The following ZNF277 variants were observed in gnomAD, a reference collection of about 807,000 sequenced individuals.
ZNF277 encodes the protein zinc finger protein 277, also known as nuclear receptor-interacting factor 4.
ZNF277 carries 55 observed loss-of-function variants against 60.7 expected under a neutral mutation model. The observed-to-expected ratio is 0.91, with a 90% confidence interval of 0.73 to 1.13. ZNF277 has a LOEUF of 1.13. ZNF277 is among the 50% of genes most tolerant of loss of function. The probability of loss-of-function intolerance (pLI) is 0.00; values close to 1 mark genes in which losing one functional copy is unlikely to be tolerated. For missense variants in ZNF277, 510 were observed against 523.0 expected (o/e 0.98, Z 0.24); for synonymous variants, 178 against 179.3 (o/e 0.99, Z 0.06).
At chr7:112,282,803 G>T (rs1222320974) in intron 1 of ZNF277, among the ~76,000 whole-genome samples, 1 of 152,180 alleles carries the variant, frequency 6.6e-6, no homozygotes, top group Non-Finnish European at 1.5e-5. Flanking sequence ...AGCAAGACTG[G>T]TTGGATTCAA....
chr7:112,339,075 G>A (rs1487533059), intron 9 of ZNF277, among the ~76,000 whole-genome samples: 1 of 152,220 alleles, frequency 6.6e-6, no homozygotes, highest in Non-Finnish European at 1.5e-5. Context: ...GAGAAGCTTT[G>A]AGGTTTAAAC....
chr7:112,342,673 A>C lies in ZNF277; in HGVS notation c.1297A>C (p.Thr433Pro), dbSNP rs199510722. The C allele has an allele frequency of 9.3e-6, 15 of 1,611,678 alleles. No individual in the cohort carries two copies. The highest frequency in any genetic ancestry group is 1.7e-4 in the Middle Eastern group (1 of 5,934). ...NENVPIISED[T>P]SKLYALKQSS... ...AAATGTTCCCATCATCAGTGAAGAT[A>C]CATCTAAACTGTATGCTTTGAAACA... The change falls in exon 12 of 12, where the codon ACA becomes CCA. Residue 433 changes from threonine (T) to proline (P), a missense_variant. Thr to Pro is a conservative substitution (Grantham distance 38). Transcript: ENST00000361822.
Position 112,220,982 on chromosome 7 carries a change from T to G in ZNF277, c.91+14175T>G, listed in dbSNP as rs76322516. Among the ~76,000 whole-genome samples, 1,457 of 152,258 alleles carry G rather than the reference T, an allele frequency of 9.6e-3. 36 individuals are homozygous for G. The highest frequency in any genetic ancestry group is 0.031 in the African/African-American group (1,277 of 41,520). On this transcript the variant is annotated intron_variant, in intron 1 of 11. Coordinates refer to ENST00000361822, the MANE Select transcript of ZNF277 (RefSeq NM_021994.3). Reference sequence around the variant, plus strand: ...TAAACCTTCCAACTGCACACTCTTCTGGTCCGTGTTTGTTACCGCTCGAGC... The same window carrying G: ...TAAACCTTCCAACTGCACACTCTTCGGGTCCGTGTTTGTTACCGCTCGAGC...
intron 2 of ZNF277, among the ~76,000 whole-genome samples, chr7:112,290,638 T>A (rs1792186639): frequency 2.0e-5 from 3 of 152,212 alleles, no homozygotes; most frequent in Admixed American, 6.5e-5. Context: ...TCAGCAAGTA[T>A]AAATGTGATT....
chr7:112,246,967 T>A (rs764541868), intron 1 of ZNF277, among the ~76,000 whole-genome samples: 24 of 152,218 alleles, frequency 1.6e-4, no homozygotes, highest in Non-Finnish European at 3.4e-4. Flanking sequence ...TGCTTTGAGT[T>A]ATGTATTCAT....
intron 1 of ZNF277, among the ~76,000 whole-genome samples, chr7:112,219,995 T>C (rs1373799691): frequency 6.6e-6 from 1 of 152,216 alleles, no homozygotes; most frequent in Non-Finnish European, 1.5e-5. Context: ...GAGTGATGCC[T>C]CCAGTTTTGT....
At chr7:112,309,579 GT>G (rs1055617564) in intron 4 of ZNF277, among the ~76,000 whole-genome samples, 1 of 151,636 alleles carries the variant, frequency 6.6e-6, no homozygotes. Flanking sequence ...GCCCTATGTT[GT>G]TTTTTCTATT....
intron 5 of ZNF277, among the ~76,000 whole-genome samples, chr7:112,323,285 C>T (rs2117119633): frequency 6.6e-6 from 1 of 152,308 alleles, no homozygotes; most frequent in East Asian, 1.9e-4. Flanking sequence ...CCCAGATTTT[C>T]CTTTTAAATG....
At chr7:112,316,995 T>C (rs573306441) in intron 4 of ZNF277, among the ~76,000 whole-genome samples, 1 of 152,134 alleles carries the variant, frequency 6.6e-6, no homozygotes, top group Admixed American at 6.6e-5. Context: ...GTTCATGTCC[T>C]TAGCAAGGAC....
intron 1 of ZNF277, among the ~76,000 whole-genome samples, chr7:112,261,247 T>G (rs1791432132): frequency 6.6e-6 from 1 of 152,230 alleles, no homozygotes; most frequent in Non-Finnish European, 1.5e-5. Flanking sequence ...GGTGCATAAG[T>G]GATGGAAATG....
intron 1 of ZNF277, among the ~76,000 whole-genome samples, chr7:112,237,529 G>C (rs1790829285): frequency 6.6e-6 from 1 of 152,036 alleles, no homozygotes; most frequent in Non-Finnish European, 1.5e-5. Flanking sequence ...AGAAATTACA[G>C]CTGATACCAC....
At chr7:112,291,622 T>C (rs1792208883) in intron 2 of ZNF277, among the ~76,000 whole-genome samples, 1 of 150,024 alleles carries the variant, frequency 6.7e-6, no homozygotes, top group East Asian at 1.9e-4. Context: ...TTCTAGTGAG[T>C]GGGAAAAAAT....
intron 7 of ZNF277, among the ~76,000 whole-genome samples, chr7:112,332,175 A>G (rs1793242023): frequency 6.6e-6 from 1 of 152,254 alleles, no homozygotes; most frequent in South Asian, 2.1e-4. Context: ...TTAACAACGT[A>G]CAAAATGAAA....
Position 112,343,356 on chromosome 7 carries a change from T to G in ZNF277, c.*627T>G, listed in dbSNP as rs1349252652. Among the ~76,000 whole-genome samples, 1 of 152,202 alleles carries G rather than the reference T, an allele frequency of 6.6e-6. No individual in the cohort carries two copies. Among genetic ancestry groups the G allele is most frequent in the African/African-American group, 2.4e-5 (1 of 41,454 alleles). ...AGACATCAAGCCAGTTAACTTCACTTTTCCCTGCAATTTGTATGTCACTAA... is the reference window on the plus strand; with the variant it reads ...AGACATCAAGCCAGTTAACTTCACTGTTCCCTGCAATTTGTATGTCACTAA... On this transcript the variant is annotated 3_prime_UTR_variant, in exon 12 of 12. Transcript: ENST00000361822.
At chr7:112,289,592 G>A (rs910654325) in intron 2 of ZNF277, among the ~76,000 whole-genome samples, 2 of 152,154 alleles carry the variant, frequency 1.3e-5, no homozygotes. Context: ...TTTCTTATAT[G>A]CAACCCAGTT....
chr7:112,337,681 C>A, intron 8 of ZNF277, 49 bp from the exon 9 acceptor site: 1 of 1,528,846 alleles, frequency 6.5e-7, no homozygotes, highest in Non-Finnish European at 9.0e-7. Flanking sequence ...GTAGTATACT[C>A]TCTTAATGAA....
At chr7:112,310,489 G>GAGAGAGAGAA (rs1305151299) in intron 4 of ZNF277, among the ~76,000 whole-genome samples, 12 of 142,962 alleles carry the variant, frequency 8.4e-5, no homozygotes, top group African/African-American at 3.0e-4. Flanking sequence ...GTGTGTGTGT[G>GAGAGAGAGAA]TGTATGTATT....
chr7:112,223,951 G>A (rs1268176046), intron 1 of ZNF277, among the ~76,000 whole-genome samples: 1 of 152,198 alleles, frequency 6.6e-6, no homozygotes, highest in East Asian at 1.9e-4. Context: ...TTAGAAAAAT[G>A]TGCTGGGACA....
intron 1 of ZNF277, among the ~76,000 whole-genome samples, chr7:112,239,297 C>A (rs920355293): frequency 3.4e-4 from 51 of 152,190 alleles, no homozygotes; most frequent in Admixed American, 3.3e-3. Context: ...TAGACCCACC[C>A]TTGGCCAGAA....
Sources: gnomAD v4.1 joint callset for allele counts (sites outside exome capture counted in the v4.1 genomes callset) on GRCh38, gnomAD v4.1.1 for gene constraint, MANE v1.5 for transcripts, NCBI Gene and HGNC (gene_info 2026-07-23, HGNC 2026-07-21) for gene names.